The following NINJ2 variants were observed in gnomAD, a reference collection of about 807,000 sequenced individuals.
The protein encoded by NINJ2 is ninjurin 2, also known as ninjurin-2.
A neutral mutation model predicts 11.7 loss-of-function variants in NINJ2; 12 were observed. The ratio of observed to expected loss-of-function variants is 1.02; its 90% CI spans 0.66 to 1.66. The LOEUF (loss-of-function observed/expected upper bound fraction) is 1.66, where lower values mean the gene tolerates loss of function less well. NINJ2 is among the 40% of genes most tolerant of loss of function. The pLI is 0.00. For missense variants in NINJ2, 187 were observed against 181.8 expected (o/e 1.03, Z -0.16); for synonymous variants, 93 against 76.8 (o/e 1.21, Z -1.10).
chr12:608,032 T>C (rs942361900), intron 1 of NINJ2, among the ~76,000 whole-genome samples: 1 of 152,180 alleles, frequency 6.6e-6, no homozygotes, highest in Admixed American at 6.5e-5. Context: ...TAGGAGCTGG[T>C]GTTCCATCTG....
chr12:599,542 C>T (rs1486097831), intron 1 of NINJ2, among the ~76,000 whole-genome samples: 1 of 152,192 alleles, frequency 6.6e-6, no homozygotes, highest in Non-Finnish European at 1.5e-5. Flanking sequence ...GACCTCACAA[C>T]ATGATCTCTG....
chr12:615,601 A>G (rs1466336388), intron 1 of NINJ2, among the ~76,000 whole-genome samples: 1 of 152,066 alleles, frequency 6.6e-6, no homozygotes, highest in Non-Finnish European at 1.5e-5. Flanking sequence ...AAAAAAAAGA[A>G]ACTCTGCTCA....
intron 1 of NINJ2, among the ~76,000 whole-genome samples, chr12:607,143 C>G (rs1311815637): frequency 4.6e-5 from 7 of 152,142 alleles, no homozygotes; most frequent in Admixed American, 3.9e-4. Flanking sequence ...GGTATTAGAA[C>G]CTGGGAGCTT....
At chr12:567,159 G>A (rs1430666772) in intron 1 of NINJ2, among the ~76,000 whole-genome samples, 1 of 152,220 alleles carries the variant, frequency 6.6e-6, no homozygotes, top group Non-Finnish European at 1.5e-5. Flanking sequence ...GGACTCTGAA[G>A]GATGCTACGG....
chr12:580,594 A>T lies in NINJ2; in HGVS notation c.34-14416T>A, dbSNP rs1345941392. ...AGAGAGAGACCCTGTCTCAAAAAAA[A>T]AAAAATATATATATATATATATCCA... On this transcript the variant is annotated intron_variant, in intron 1 of 3. Coordinates refer to ENST00000305108, the MANE Select transcript of NINJ2 (RefSeq NM_016533.6). This position sits in a 1 kb window ranked among gnomAD's most constrained non-coding sequence, Gnocchi z 4.7. 1.0e-4 allele frequency among the ~76,000 whole-genome samples: 8 copies of T among 76,256 alleles called. No individual in the cohort carries two copies. The highest frequency in any genetic ancestry group is 4.1e-4 in the South Asian group (1 of 2,452). 50.0% of individuals were successfully genotyped at this position (76,256 alleles called of 152,430 possible).
chr12:616,595 C>T (rs1284979085), intron 1 of NINJ2, among the ~76,000 whole-genome samples: 2 of 152,208 alleles, frequency 1.3e-5, no homozygotes, highest in Non-Finnish European at 2.9e-5. Flanking sequence ...AGGAAACCCA[C>T]CCCATTCCCC....
At chr12:592,358 T>C (rs1451987950) in intron 1 of NINJ2, among the ~76,000 whole-genome samples, 2 of 152,216 alleles carry the variant, frequency 1.3e-5, no homozygotes, top group Non-Finnish European at 2.9e-5. Flanking sequence ...AAACAGGTGT[T>C]GAACAAATGG....
At position 585,486 on chromosome 12, in the gene NINJ2, GTTGGAGGGAAGGGAAGGGAA is replaced by G. The variant is rs1947620733; in HGVS notation, c.34-19328_34-19309del. ...AGGCAACGGTTGGAGGAAGGGAACG[GTTGGAGGGAAGGGAAGGGAA>G]CGGTTGGAGGGAAGGGAAGGGAACG... On this transcript the variant is annotated intron_variant, in intron 1 of 3. Coordinates refer to ENST00000305108, the MANE Select transcript of NINJ2 (RefSeq NM_016533.6). This position sits in a 1 kb window ranked among gnomAD's most constrained non-coding sequence, Gnocchi z 4.1. Among the ~76,000 whole-genome samples, 1 of 38,102 alleles carries G rather than the reference GTTGGAGGGAAGGGAAGGGAA, an allele frequency of 2.6e-5. No homozygotes were observed. Among genetic ancestry groups the G allele is most frequent in the South Asian group, 8.2e-4 (1 of 1,216 alleles). The allele number at this position is 38,102 out of a possible 152,430, so 25.0% of individuals were successfully genotyped here. A position where few individuals can be genotyped will look rare whatever the true frequency, so the allele number is the denominator to read the frequency against.
At chr12:605,807 C>T (rs1266116303) in intron 1 of NINJ2, among the ~76,000 whole-genome samples, 4 of 152,148 alleles carry the variant, frequency 2.6e-5, no homozygotes, top group Non-Finnish European at 5.9e-5. Context: ...ATGAAAAGGT[C>T]CACTTTGTCC....
intron 1 of NINJ2, among the ~76,000 whole-genome samples, chr12:598,617 C>A (rs536222986): frequency 3.9e-5 from 6 of 152,280 alleles, no homozygotes; most frequent in African/African-American, 1.2e-4. Flanking sequence ...TAATAGACAC[C>A]AAACTGTTAA....
intron 1 of NINJ2, among the ~76,000 whole-genome samples, chr12:605,002 C>T (rs1215408744): frequency 6.6e-6 from 1 of 152,162 alleles, no homozygotes; most frequent in South Asian, 2.1e-4. Context: ...AGGATTTTCA[C>T]GGAAATTTGA....
intron 1 of NINJ2, among the ~76,000 whole-genome samples, chr12:569,879 G>A (rs1471126062): frequency 6.6e-6 from 1 of 152,194 alleles, no homozygotes; most frequent in African/African-American, 2.4e-5. Context: ...TTTCACTGCG[G>A]GTGCTGGGCG....
intron 1 of NINJ2, among the ~76,000 whole-genome samples, chr12:637,418 G>C (rs915077892): frequency 6.6e-6 from 1 of 151,572 alleles, no homozygotes; most frequent in Non-Finnish European, 1.5e-5. Flanking sequence ...GAGGCAGGCA[G>C]ATCACGAGGT....
In NINJ2 at chr12:587,123, G is replaced by C. The variant is rs369233301; in HGVS notation, c.34-20945C>G. On this transcript the variant is annotated intron_variant, in intron 1 of 3. Coordinates refer to ENST00000305108, the MANE Select transcript of NINJ2 (RefSeq NM_016533.6). ...AACACCTGTGGGAGGAGGAGGCTCA[G>C]CCCTTCCTGTGGAGCATCTCTGCCA... Among the ~76,000 whole-genome samples the C allele has an allele frequency of 5.4e-4, 82 of 152,334 alleles. 1 individual carries two copies. Among genetic ancestry groups the C allele is most frequent in the African/African-American group, 1.9e-3 (81 of 41,580 alleles).
At chr12:595,211 CA>C (rs1947768510) in intron 1 of NINJ2, among the ~76,000 whole-genome samples, 1 of 152,052 alleles carries the variant, frequency 6.6e-6, no homozygotes, top group Non-Finnish European at 1.5e-5. Flanking sequence ...CATAGATCTG[CA>C]TGTAAAACAC....
intron 1 of NINJ2, among the ~76,000 whole-genome samples, chr12:569,688 G>A (rs996643890): frequency 1.3e-5 from 2 of 152,202 alleles, no homozygotes; most frequent in African/African-American, 4.8e-5. Flanking sequence ...CGGGCAGCAC[G>A]GAGGTCTTCC....
chr12:630,981 A>G (rs1198156197), intron 1 of NINJ2: 1 of 152,278 alleles, frequency 6.6e-6, no homozygotes, highest in Non-Finnish European at 1.5e-5. Flanking sequence ...AATGCCTTAG[A>G]GGAGGTAGGA....
intron 1 of NINJ2, among the ~76,000 whole-genome samples, chr12:583,408 G>C (rs1274929177): frequency 6.6e-6 from 1 of 152,246 alleles, no homozygotes; most frequent in Non-Finnish European, 1.5e-5. Context: ...AGACCTCCAA[G>C]GCCACCAAAC....
At chr12:632,934 C>T (rs1246096445) in intron 1 of NINJ2, among the ~76,000 whole-genome samples, 1 of 152,188 alleles carries the variant, frequency 6.6e-6, no homozygotes, top group African/African-American at 2.4e-5. Flanking sequence ...CAAGTGTGGG[C>T]ATTTCATGCC....
Sources: gnomAD v4.1 joint callset for allele counts (sites outside exome capture counted in the v4.1 genomes callset) on GRCh38, gnomAD v4.1.1 for gene constraint, Gnocchi (gnomAD v3.1) non-coding constraint, MANE v1.5 for transcripts, NCBI Gene and HGNC (gene_info 2026-07-23, HGNC 2026-07-21) for gene names.